The following ZNF221 variants were observed in gnomAD, a reference collection of about 807,000 sequenced individuals.
The protein encoded by ZNF221 is zinc finger protein 221.
Under a neutral mutation model 12.6 loss-of-function variants are expected in ZNF221, and 10 were observed. The ratio of observed to expected loss-of-function variants is 0.79; its 90% CI spans 0.49 to 1.34. The LOEUF (loss-of-function observed/expected upper bound fraction) is 1.34, where lower values mean the gene tolerates loss of function less well. Ranked by LOEUF, ZNF221 falls within the 40% of genes most tolerant of loss-of-function variation. ZNF221 has a pLI of 0.00. For missense variants in ZNF221, 661 were observed against 721.4 expected (o/e 0.92, Z 0.96); for synonymous variants, 232 against 244.0 (o/e 0.95, Z 0.46).
chr19:43,958,389 C>T (rs1254253598), intron 1 of ZNF221, among the ~76,000 whole-genome samples: 1 of 152,204 alleles, frequency 6.6e-6, no homozygotes, highest in Admixed American at 6.5e-5. Context: ...ACGTGGCTTG[C>T]ATGCGGTATA....
rs776600106 is a variant in ZNF221, at chr19:43,965,078, T to C, written c.208+2T>C. The C allele has an allele frequency of 4.3e-6, 7 of 1,613,928 alleles. No homozygotes were observed. The highest frequency in any genetic ancestry group is 8.5e-7 in the Non-Finnish European group (1 of 1,179,986). On this transcript the variant is annotated splice_donor_variant, in intron 3 of 4. Transcript: ENST00000587682. LOFTEE classifies it high-confidence loss of function. ...ACTTCAGGAACCTGCTCTCAGTAGGTGAGGACAGGCACCCTCTGTAACAGA... is the reference window on the plus strand; with the variant it reads ...ACTTCAGGAACCTGCTCTCAGTAGGCGAGGACAGGCACCCTCTGTAACAGA...
the ZNF221 span, among the ~76,000 whole-genome samples, chr19:43,974,170 A>T: frequency 2.0e-5 from 3 of 152,232 alleles, no homozygotes; most frequent in African/African-American, 7.2e-5. Context: ...CCTATATAAT[A>T]AACGGTGCTG....
intron 1 of ZNF221, among the ~76,000 whole-genome samples, chr19:43,951,981 C>T (rs899748855): frequency 1.3e-5 from 2 of 150,396 alleles, no homozygotes; most frequent in Non-Finnish European, 3.0e-5. Context: ...TCACGCCATT[C>T]TCCTGCCTCA....
rs561165577 is a variant in ZNF221, at chr19:43,965,013, C to T, written c.145C>T (p.Pro49Ser). ...TGAGGAGGAGCTGGGGCTGCTGGAC[C>T]CTGCCCAGAGGAAGCTGTACCGAGA... ...FTEEELGLLD[P>S]AQRKLYRDVM... The change falls in exon 3 of 5, where the codon CCT becomes TCT. Residue 49 changes from proline (P) to serine (S), a missense_variant. Transcript: ENST00000587682. The T allele has an allele frequency of 1.9e-6, 3 of 1,613,942 alleles. No individual in the cohort carries two copies. Among genetic ancestry groups the T allele is most frequent in the Non-Finnish European group, 2.5e-6 (3 of 1,179,990 alleles).
chr19:43,967,480 CTTTTTTT>C lies in ZNF221; in HGVS notation c.*134_*140del. 1.9e-6 allele frequency: 1 copy of C among 539,368 alleles called. No individual in the cohort carries two copies. The highest frequency in any genetic ancestry group is 3.4e-5 in the Admixed American group (1 of 29,616). 33.4% of individuals were successfully genotyped at this position (539,368 alleles called of 1,614,324 possible). ...GAAGAGCTTTGTACATAGATCATAT[CTTTTTTT>C]TTTTTTTTTGAGACAGAGTCTCACT... On this transcript the variant is annotated 3_prime_UTR_variant, in exon 5 of 5. Transcript: ENST00000587682.
intron 1 of ZNF221, among the ~76,000 whole-genome samples, chr19:43,958,772 T>C (rs888201324): frequency 6.6e-6 from 1 of 152,198 alleles, no homozygotes; most frequent in African/African-American, 2.4e-5. Flanking sequence ...TTCCTTTTAT[T>C]GGGAAGAACG....
chr19:43,974,173 C>T, the ZNF221 span, among the ~76,000 whole-genome samples: 8 of 152,110 alleles, frequency 5.3e-5, no homozygotes, highest in South Asian at 2.1e-4. Flanking sequence ...ATATAATAAA[C>T]GGTGCTGGGA....
Position 43,965,796 on chromosome 19 carries a change from C to G in ZNF221, c.302-8C>G, listed in dbSNP as rs777968382. The G allele has an allele frequency of 6.4e-7, 1 of 1,572,880 alleles. No homozygotes were observed. Among genetic ancestry groups the G allele is most frequent in the South Asian group, 1.2e-5 (1 of 85,014 alleles). Reference sequence around the variant, plus strand: ...TTGCCCACATATATTAATTCTGTGTCTTTTTAGGAGGCAAGATCCAAATTG... The same window carrying G: ...TTGCCCACATATATTAATTCTGTGTGTTTTTAGGAGGCAAGATCCAAATTG... On this transcript the variant is annotated splice_polypyrimidine_tract_variant and splice_region_variant and intron_variant, in intron 4 of 4. Transcript: ENST00000587682.
At chr19:43,958,446 T>A (rs928285590) in intron 1 of ZNF221, among the ~76,000 whole-genome samples, 1 of 152,144 alleles carries the variant, frequency 6.6e-6, no homozygotes, top group African/African-American at 2.4e-5. Context: ...ATAGGGTGAG[T>A]TGAGCAGTCC....
the ZNF221 span, among the ~76,000 whole-genome samples, chr19:43,976,280 G>A: frequency 2.6e-5 from 4 of 151,928 alleles, no homozygotes; most frequent in Admixed American, 6.5e-5. Flanking sequence ...GCTCACTCCT[G>A]TAATCCCAGC....
At chr19:43,965,159 TA>T (rs1187143465) in intron 3 of ZNF221, 73 bp from the exon 4 acceptor site, 2 of 1,595,788 alleles carry the variant, frequency 1.3e-6, no homozygotes, top group Non-Finnish European at 8.5e-7. Flanking sequence ...ATTGGGAACC[TA>T]AATTTCCAGT....
intron 2 of ZNF221, 50 bp downstream of exon 2, chr19:43,962,857 T>C: frequency 6.5e-7 from 1 of 1,539,140 alleles, no homozygotes; most frequent in Non-Finnish European, 8.9e-7. Context: ...TTACTACTCA[T>C]ATTGTCACAT....
chr19:43,981,451 C>T, the ZNF221 span, among the ~76,000 whole-genome samples: 1 of 152,120 alleles, frequency 6.6e-6, no homozygotes, highest in Non-Finnish European at 1.5e-5. Context: ...GATGTATCTT[C>T]AACAGGGATA....
the ZNF221 span, among the ~76,000 whole-genome samples, chr19:43,980,399 CG>C: frequency 6.6e-6 from 1 of 152,162 alleles, no homozygotes; most frequent in Non-Finnish European, 1.5e-5. Context: ...TTAGGATGGA[CG>C]CTGGTACGTT....
chr19:43,966,653 A>C lies in ZNF221; in HGVS notation c.1151A>C (p.His384Pro). Residue 384 changes from histidine (H) to proline (P), a missense_variant, in exon 5 of 5, where the codon CAT becomes CCT. Coordinates refer to ENST00000587682, the MANE Select transcript of ZNF221 (RefSeq NM_001297588.2). ...ATTTGTAGGCGAGATTTTTGTAAGC[A>C]TCAGATGGTCCACACAGGAGAGAAA... ...GFICRRDFCK[H>P]QMVHTGEKPY... The C allele has an allele frequency of 6.2e-7, 1 of 1,614,226 alleles. No individual in the cohort carries two copies.
downstream of ZNF221, among the ~76,000 whole-genome samples, chr19:43,970,401 A>G (rs558904475): frequency 6.6e-6 from 1 of 152,306 alleles, no homozygotes; most frequent in Admixed American, 6.5e-5. Context: ...AGGGTACAGA[A>G]CTGGGCTGAG....
chr19:43,953,599 G>C (rs549899765), intron 1 of ZNF221, among the ~76,000 whole-genome samples: 28 of 152,192 alleles, frequency 1.8e-4, no homozygotes, highest in Admixed American at 1.6e-3. Context: ...GGTCTTTCAG[G>C]TGACCAGCCA....
At position 43,965,963 on chromosome 19, in the gene ZNF221, GC is replaced by G. The variant is rs1568478155; in HGVS notation, c.463del (p.Gln155ArgfsTer8). 1 of 1,614,218 alleles carries G rather than the reference GC, an allele frequency of 6.2e-7. No homozygotes were observed. Among genetic ancestry groups the G allele is most frequent in the Admixed American group, 1.7e-5 (1 of 60,032 alleles). The stretch of plus-strand genomic sequence containing the variant: ...TTCTTCAAAGAAGGTGATGTCCCCT[GC>G]CAGATTGAGGCAAGACTATCTATAA... ...SQFFKEGDVPCQIEARLSISH... is the reference protein window; with the variant it reads ...SQFFKEGDVPXQIEARLSISH... On this transcript the variant is annotated frameshift_variant, in exon 5 of 5. Coordinates refer to ENST00000587682, the MANE Select transcript of ZNF221 (RefSeq NM_001297588.2). LOFTEE classifies it low-confidence loss of function (END_TRUNC).
chr19:43,974,065 T>C, the ZNF221 span, among the ~76,000 whole-genome samples: 1 of 151,806 alleles, frequency 6.6e-6, no homozygotes, highest in African/African-American at 2.4e-5. Flanking sequence ...CATAGACAAA[T>C]GGAACAGAAT....
Sources: allele counts gnomAD v4.1 joint callset (sites outside exome capture counted in the v4.1 genomes callset), GRCh38; gene constraint gnomAD v4.1.1; transcripts MANE v1.5; gene names NCBI Gene and HGNC (gene_info 2026-07-23, HGNC 2026-07-21).